Variants in KATNAL1 observed in about 807,000 individuals in gnomAD.
The protein encoded by KATNAL1 is katanin p60 ATPase-containing subunit A-like 1.
Under a neutral mutation model 55.2 loss-of-function variants are expected in KATNAL1, and 32 were observed. That is an observed-to-expected ratio of 0.58 (90% CI 0.44 to 0.78). The LOEUF (loss-of-function observed/expected upper bound fraction) is 0.78. Among genes scored for constraint, KATNAL1 ranks in the 30% least tolerant of loss-of-function variants. The pLI, the probability that KATNAL1 is intolerant of heterozygous loss-of-function variation, is 0.00. For missense variants in KATNAL1, 466 were observed against 600.9 expected, an observed-to-expected ratio of 0.78 and a Z score of 2.35; for synonymous variants, 193 against 193.6, an observed-to-expected ratio of 1.00 and a Z score of 0.02.
At chr13:30,305,663 T>C (rs1460238864) in intron 1 of KATNAL1, among the ~76,000 whole-genome samples, 1 of 152,234 alleles carries the variant, frequency 6.6e-6, no homozygotes, top group African/African-American at 2.4e-5. Context: ...GCATGCAAAA[T>C]ACTCCTCACA....
At position 30,203,729 on chromosome 13, in the gene KATNAL1, T is replaced by C. The variant is rs1244355056; in HGVS notation, c.*4811A>G. 3.9e-5 allele frequency: 6 copies of C among 152,306 alleles called. No individual in the cohort carries two copies. Among genetic ancestry groups the C allele is most frequent in the African/African-American group, 1.4e-4 (6 of 41,584 alleles). 9.4% of individuals were successfully genotyped at this position (152,306 alleles called of 1,614,324 possible). A position where few individuals can be genotyped will look rare whatever the true frequency, so the allele number is the denominator to read the frequency against. On this transcript the variant is annotated 3_prime_UTR_variant, in exon 11 of 11. Coordinates refer to ENST00000380615, the MANE Select transcript of KATNAL1 (RefSeq NM_032116.5). ...AGTCACTGGGAATTTAGAAATATCA[T>C]TAAAGCTAAACAGTTGTCTGGAGCC...
intron 10 of KATNAL1, among the ~76,000 whole-genome samples, chr13:30,209,940 C>T (rs1336890798): frequency 6.6e-6 from 1 of 152,140 alleles, no homozygotes; most frequent in Non-Finnish European, 1.5e-5. Flanking sequence ...CGCCACCACA[C>T]CTGGCTAATT....
At chr13:30,270,032 C>G (rs550134649) in intron 3 of KATNAL1, among the ~76,000 whole-genome samples, 6 of 126,368 alleles carry the variant, frequency 4.7e-5, no homozygotes, top group African/African-American at 1.9e-4. Flanking sequence ...GTGGGGGTGT[C>G]AGCCCCCCGC....
intron 1 of KATNAL1, among the ~76,000 whole-genome samples, chr13:30,298,956 T>C (rs1882698635): frequency 6.6e-6 from 1 of 152,134 alleles, no homozygotes; most frequent in Non-Finnish European, 1.5e-5. Context: ...GACAATAATT[T>C]TCAGTTTCAA....
intron 8 of KATNAL1, among the ~76,000 whole-genome samples, 193 bp downstream of exon 8, chr13:30,230,275 G>GA (rs1875962013): frequency 6.6e-6 from 1 of 152,142 alleles, no homozygotes; most frequent in Non-Finnish European, 1.5e-5. Context: ...TGTAACCTCA[G>GA]AATCTGAAAT....
rs746934632 is a variant in KATNAL1 at position 30,280,191 on chromosome 13, T to C, written c.195A>G (p.Gln65=). 5.2e-5 allele frequency: 83 copies of C among 1,605,038 alleles called. No homozygotes were observed. The highest frequency in any genetic ancestry group is 5.9e-5 in the Non-Finnish European group (69 of 1,177,586). The change falls in exon 3 of 11, where the codon CAA becomes CAG. Residue 65 remains glutamine, a synonymous_variant. Coordinates refer to ENST00000380615, the MANE Select transcript of KATNAL1 (RefSeq NM_032116.5). ...CTAAAGTGCTGACAATACTTTTAACTTGTTCATATTCCTCCAATAATTCCT... is the reference window on the plus strand; with the variant it reads ...CTAAAGTGCTGACAATACTTTTAACCTGTTCATATTCCTCCAATAATTCCT... ...VRQELLEEYE[Q]VKSIVSTLES... is the part of the protein sequence containing the mutation.
At chr13:30,296,870 C>A in intron 1 of KATNAL1, 1 of 349,546 alleles carries the variant, frequency 2.9e-6, no homozygotes, top group East Asian at 7.1e-5. Context: ...AGTCTGGGAC[C>A]CTGGAGGGCT....
chr13:30,231,425 A>G lies in KATNAL1; in HGVS notation c.774T>C (p.Ala258=), dbSNP rs752934428. Reference sequence around the variant, plus strand: ...TACCACATTCAGTGGCAACAGCTTTAGCTAGCATAGTTTTACCAGTGCCTG... The same window carrying G: ...TACCACATTCAGTGGCAACAGCTTTGGCTAGCATAGTTTTACCAGTGCCTG... ...GPPGTGKTML[A]KAVATECGTT... Residue 258 remains alanine, a synonymous_variant, in exon 7 of 11, where the codon GCT becomes GCC. Coordinates refer to ENST00000380615, the MANE Select transcript of KATNAL1 (RefSeq NM_032116.5). 1.2e-6 allele frequency: 2 copies of G among 1,600,040 alleles called. No homozygotes were observed. The highest frequency in any genetic ancestry group is 2.2e-5 in the East Asian group (1 of 44,454).
chr13:30,250,218 T>C (rs2137448592), intron 4 of KATNAL1, among the ~76,000 whole-genome samples: 2 of 152,294 alleles, frequency 1.3e-5, no homozygotes, highest in South Asian at 4.1e-4. Context: ...CTGTCTAGAT[T>C]TAGAAAAGTA....
At chr13:30,218,120 A>G (rs966665496) in intron 9 of KATNAL1, among the ~76,000 whole-genome samples, 2 of 151,950 alleles carry the variant, frequency 1.3e-5, no homozygotes, top group African/African-American at 4.8e-5. Flanking sequence ...TGGGGGAAAA[A>G]GGTAAGTAGA....
intron 3 of KATNAL1, among the ~76,000 whole-genome samples, chr13:30,279,473 A>G (rs1348677839): frequency 6.6e-6 from 1 of 152,160 alleles, no homozygotes; most frequent in Non-Finnish European, 1.5e-5. Flanking sequence ...GATTATGGGT[A>G]TTCCTTGAAG....
chr13:30,230,353 G>A, intron 8 of KATNAL1, 115 bp downstream of exon 8: 1 of 854,520 alleles, frequency 1.2e-6, no homozygotes, highest in Admixed American at 3.0e-5. Flanking sequence ...ACAAATAAAT[G>A]GGTGAATGAA....
intron 1 of KATNAL1, among the ~76,000 whole-genome samples, chr13:30,299,115 T>C (rs770101642): frequency 6.6e-6 from 1 of 152,090 alleles, no homozygotes; most frequent in Non-Finnish European, 1.5e-5. Flanking sequence ...GACAATGAAA[T>C]AATATCTTCC....
In KATNAL1 at chr13:30,209,783, CT is replaced by C. The variant is rs1392660308; in HGVS notation, c.1274+532del. ...ATTATCGAGTTAGACACAATAATTT[CT>C]TTTTTTTTCTTTTTTGAGACAGAGT... On this transcript the variant is annotated intron_variant, in intron 10 of 10. Coordinates refer to ENST00000380615, the MANE Select transcript of KATNAL1 (RefSeq NM_032116.5). Among the ~76,000 whole-genome samples, 8 of 151,678 alleles carry C rather than the reference CT, an allele frequency of 5.3e-5. No individual in the cohort carries two copies. In the East Asian group the frequency reaches 1.4e-3, roughly 26 times the overall value.
At chr13:30,211,084 T>C (rs1425486472) in intron 9 of KATNAL1, among the ~76,000 whole-genome samples, 1 of 152,234 alleles carries the variant, frequency 6.6e-6, no homozygotes, top group African/African-American at 2.4e-5. Flanking sequence ...ATTTCACTAG[T>C]GCTTTTAGTG....
intron 4 of KATNAL1, among the ~76,000 whole-genome samples, chr13:30,244,614 C>G (rs575002287): frequency 1.3e-5 from 2 of 152,264 alleles, no homozygotes; most frequent in Admixed American, 1.3e-4. Context: ...AATCAAGGAG[C>G]TGGTTTTTTG....
intron 1 of KATNAL1, among the ~76,000 whole-genome samples, chr13:30,298,420 C>T (rs74786636): frequency 0.023 from 3,562 of 152,180 alleles, 130 homozygotes; most frequent in African/African-American, 0.08. Flanking sequence ...TTCTCCATAG[C>T]GCACTTCACA....
At position 30,255,630 on chromosome 13, in the gene KATNAL1, AAAAAAAAAATT is replaced by A; in HGVS notation, c.324-26_324-16del. 4 of 1,420,458 alleles carry A rather than the reference AAAAAAAAAATT, an allele frequency of 2.8e-6. No individual in the cohort carries two copies. The highest frequency in any genetic ancestry group is 2.8e-6 in the Non-Finnish European group (3 of 1,089,432). The allele number at this position is 1,420,458 out of a possible 1,614,324, so 88.0% of individuals were successfully genotyped here. A position where few individuals can be genotyped will look rare whatever the true frequency, so the allele number is the denominator to read the frequency against. Reference sequence around the variant, plus strand: ...GAGGTGGAGCTCTGACAAAAAAAAAAAAAAAAAAATTAAAATTAAAATTAAAATTAATCAAA... The same window carrying A: ...GAGGTGGAGCTCTGACAAAAAAAAAAAAAATTAAAATTAAAATTAATCAAA... On this transcript the variant is annotated splice_polypyrimidine_tract_variant and intron_variant, in intron 3 of 10. Coordinates refer to ENST00000380615, the MANE Select transcript of KATNAL1 (RefSeq NM_032116.5).
Position 30,273,273 on chromosome 13 carries a change from T to A in KATNAL1, c.323+6790A>T, listed in dbSNP as rs78015542. Among the ~76,000 whole-genome samples, 89 of 152,316 alleles carry A rather than the reference T, an allele frequency of 5.8e-4. 1 individual carries two copies. In the East Asian group the frequency reaches 0.015, roughly 26 times the overall value. ...TTGAGGGAGCTGTGCATACTTATCA[T>A]CTTCTGCTCCTCTCTCTGCGTTCTC... On this transcript the variant is annotated intron_variant, in intron 3 of 10. Coordinates refer to ENST00000380615, the MANE Select transcript of KATNAL1 (RefSeq NM_032116.5).
Sources: gnomAD v4.1 joint callset for allele counts (sites outside exome capture counted in the v4.1 genomes callset) on GRCh38, gnomAD v4.1.1 for gene constraint, MANE v1.5 for transcripts, NCBI Gene and HGNC (gene_info 2026-07-23, HGNC 2026-07-21) for gene names.